TENM3: variants seen among roughly 807,000 people sequenced by gnomAD.
TENM3 encodes the protein teneurin-3.
A neutral mutation model predicts 255.1 loss-of-function variants in TENM3; 63 were observed. The observed-to-expected ratio is 0.25, with a 90% CI of 0.20 to 0.30. The LOEUF (loss-of-function observed/expected upper bound fraction) is 0.30. Among genes scored for constraint, TENM3 ranks in the 10% least tolerant of loss-of-function variants. The pLI is 1.00. For synonymous variants in TENM3, 1,306 were observed against 1,322.3 expected (o/e 0.99, Z 0.27); for missense variants, 2,929 against 3,461.1 (o/e 0.85, Z 3.86).
chr4:182,114,676 G>A, the TENM3 span, among the ~76,000 whole-genome samples: 1 of 152,070 alleles, frequency 6.6e-6, no homozygotes, highest in African/African-American at 2.4e-5. Context: ...GTTTTCTTTA[G>A]TTGAGTTAGA....
At chr4:181,821,949 G>T in the TENM3 span, among the ~76,000 whole-genome samples, 1 of 152,178 alleles carries the variant, frequency 6.6e-6, no homozygotes, top group Non-Finnish European at 1.5e-5. Flanking sequence ...GGGTCGAAAT[G>T]ATTTTATATA....
the TENM3 span, among the ~76,000 whole-genome samples, chr4:181,471,172 G>T: frequency 6.6e-6 from 1 of 152,056 alleles, no homozygotes; most frequent in Non-Finnish European, 1.5e-5. Context: ...TTTTTTAATG[G>T]TTAATAAAAT....
chr4:182,069,299 G>C, the TENM3 span, among the ~76,000 whole-genome samples: 2 of 152,100 alleles, frequency 1.3e-5, no homozygotes, highest in African/African-American at 4.8e-5. Flanking sequence ...AGCATTCCAT[G>C]GTACAGTATT....
chr4:182,562,325 C>T (rs772480979), intron 3 of TENM3, among the ~76,000 whole-genome samples: 2 of 152,090 alleles, frequency 1.3e-5, no homozygotes, highest in Non-Finnish European at 2.9e-5. Context: ...GAAAGTGTCA[C>T]GGGATGGTGA....
chr4:182,309,381 C>G (rs1271446556), intron 1 of TENM3, among the ~76,000 whole-genome samples: 1 of 152,142 alleles, frequency 6.6e-6, no homozygotes, highest in Non-Finnish European at 1.5e-5. Context: ...CTGTGGGTAA[C>G]AGAGGCATGA....
At chr4:182,197,266 A>C (rs2149811010) in intron 1 of TENM3, among the ~76,000 whole-genome samples, 1 of 152,300 alleles carries the variant, frequency 6.6e-6, no homozygotes, top group Non-Finnish European at 1.5e-5. Flanking sequence ...CTACACTCAA[A>C]GCTTGGGGTT....
the TENM3 span, among the ~76,000 whole-genome samples, chr4:181,833,972 G>A: frequency 6.6e-6 from 1 of 152,168 alleles, no homozygotes; most frequent in Admixed American, 6.5e-5. Flanking sequence ...CCAACTTGGA[G>A]AATGTTAAAG....
chr4:181,904,221 A>G, the TENM3 span, among the ~76,000 whole-genome samples: 1 of 152,030 alleles, frequency 6.6e-6, no homozygotes, highest in Non-Finnish European at 1.5e-5. Flanking sequence ...GCAAGCCACT[A>G]TCAGTCCTCA....
chr4:181,743,749 T>A, the TENM3 span, among the ~76,000 whole-genome samples: 58 of 152,244 alleles, frequency 3.8e-4, no homozygotes, highest in South Asian at 2.9e-3. Context: ...AAAGGACATT[T>A]TTCCTGGATG....
At chr4:182,779,269 C>T (rs1170740098) in intron 24 of TENM3, among the ~76,000 whole-genome samples, 1 of 151,500 alleles carries the variant, frequency 6.6e-6, no homozygotes, top group African/African-American at 2.4e-5. Flanking sequence ...CATGTGATCT[C>T]ATTGTTCAAT....
chr4:182,733,467 C>T lies in TENM3; in HGVS notation c.2967+2328C>T, dbSNP rs889273390. Among the ~76,000 whole-genome samples, 4 of 148,806 alleles carry T rather than the reference C, an allele frequency of 2.7e-5. No individual in the cohort carries two copies. In the East Asian group the frequency reaches 7.7e-4, roughly 29 times the overall value. ...AACAAGGAGGCCAGTTAGGAGGCAACCTCAGTTGTCCACAGGAGAAATTAT... is the reference window on the plus strand; with the variant it reads ...AACAAGGAGGCCAGTTAGGAGGCAATCTCAGTTGTCCACAGGAGAAATTAT... On this transcript the variant is annotated intron_variant, in intron 16 of 27. Transcript: ENST00000511685.
At chr4:181,631,094 T>A in the TENM3 span, among the ~76,000 whole-genome samples, 4 of 152,126 alleles carry the variant, frequency 2.6e-5, no homozygotes, top group Non-Finnish European at 5.9e-5. Flanking sequence ...GGGAAACAAC[T>A]ACTTGCAAGC....
chr4:181,466,438 C>A, the TENM3 span, among the ~76,000 whole-genome samples: 1 of 151,988 alleles, frequency 6.6e-6, no homozygotes, highest in Non-Finnish European at 1.5e-5. Flanking sequence ...GTGATGTTGT[C>A]CTAAGGAAAC....
chr4:181,820,632 C>G, the TENM3 span, among the ~76,000 whole-genome samples: 1 of 152,152 alleles, frequency 6.6e-6, no homozygotes, highest in African/African-American at 2.4e-5. Flanking sequence ...GGAAAACATG[C>G]AATCCCATAG....
chr4:182,708,004 T>C (rs868568493), intron 12 of TENM3: 3 of 152,064 alleles, frequency 2.0e-5, no homozygotes, highest in Admixed American at 6.5e-5. Context: ...TTTTTTTCTT[T>C]TTTTTTCTAA....
At chr4:181,754,134 T>C in the TENM3 span, among the ~76,000 whole-genome samples, 3 of 152,186 alleles carry the variant, frequency 2.0e-5, no homozygotes, top group Non-Finnish European at 4.4e-5. Context: ...ATCAAGTAAC[T>C]AGACTGGCAA....
At chr4:181,659,913 G>T in the TENM3 span, among the ~76,000 whole-genome samples, 3 of 152,162 alleles carry the variant, frequency 2.0e-5, no homozygotes, top group South Asian at 6.2e-4. Flanking sequence ...TTGAGGCTTT[G>T]TAGTAATATT....
At chr4:181,789,492 C>T in the TENM3 span, among the ~76,000 whole-genome samples, 168 of 151,888 alleles carry the variant, frequency 1.1e-3, 3 homozygotes, top group South Asian at 0.033. Context: ...CCTGACCTCA[C>T]GTTATCCACC....
At chr4:181,755,541 T>C in the TENM3 span, among the ~76,000 whole-genome samples, 2 of 152,158 alleles carry the variant, frequency 1.3e-5, no homozygotes, top group Non-Finnish European at 2.9e-5. Flanking sequence ...GGCTTGAGTC[T>C]AAACACAAAG....
Sources: gnomAD v4.1 joint callset for allele counts (sites outside exome capture counted in the v4.1 genomes callset) on GRCh38, gnomAD v4.1.1 for gene constraint, MANE v1.5 for transcripts, NCBI Gene and HGNC (gene_info 2026-07-23, HGNC 2026-07-21) for gene names.